Variants in SERPINB13 observed in about 807,000 individuals in gnomAD.
SERPINB13 encodes the protein serpin family B member 13.
SERPINB13 carries 26 observed loss-of-function variants against 31.2 expected under a neutral mutation model. The observed-to-expected ratio is 0.83, with a 90% CI of 0.61 to 1.15. SERPINB13 has a LOEUF of 1.15. Ranked by LOEUF, SERPINB13 falls within the 50% of genes most tolerant of loss-of-function variation. SERPINB13 has a pLI of 0.00. For synonymous variants in SERPINB13, 191 were observed against 172.4 expected (o/e 1.11, Z -0.85); for missense variants, 510 against 469.4 (o/e 1.09, Z -0.80).
At chr18:63,594,663 A>G (rs1376926042) in intron 6 of SERPINB13, among the ~76,000 whole-genome samples, 166 bp downstream of exon 6, 1 of 152,030 alleles carries the variant, frequency 6.6e-6, no homozygotes, top group Non-Finnish European at 1.5e-5. Flanking sequence ...ACATGGTGAA[A>G]CCCCGTATCT....
At chr18:63,596,600 T>C (rs1912181352) in intron 7 of SERPINB13, among the ~76,000 whole-genome samples, 1 of 152,228 alleles carries the variant, frequency 6.6e-6, no homozygotes, top group South Asian at 2.1e-4. Context: ...AAAAGTTTAC[T>C]TTTTATCAAA....
intron 1 of SERPINB13, among the ~76,000 whole-genome samples, chr18:63,587,749 T>C (rs1170834032): frequency 6.6e-6 from 1 of 152,274 alleles, no homozygotes; most frequent in Non-Finnish European, 1.5e-5. Context: ...CCAAAGTATG[T>C]GGGCTTTAAA....
chr18:63,594,774 G>C (rs3786332), intron 6 of SERPINB13, among the ~76,000 whole-genome samples: 17,871 of 152,092 alleles, frequency 0.12, 1,407 homozygotes, highest in East Asian at 0.43. Context: ...GGGAGGCAGA[G>C]GTTGCAGTGA....
chr18:63,592,548 G>T (rs764903912), intron 4 of SERPINB13, 72 bp downstream of exon 4: 52 of 1,472,984 alleles, frequency 3.5e-5, no homozygotes, highest in Non-Finnish European at 4.7e-5. Flanking sequence ...TAGGACTATG[G>T]GTCCTGAAGT....
chr18:63,594,002 G>A (rs756824435), intron 5 of SERPINB13: 10 of 507,174 alleles, frequency 2.0e-5, no homozygotes, highest in Admixed American at 1.9e-4. Flanking sequence ...ACCCTATGAG[G>A]CAGATTTTAT....
At chr18:63,595,907 TAAATAAA>T in intron 7 of SERPINB13, among the ~76,000 whole-genome samples, 1 of 8,184 alleles carries the variant, frequency 1.2e-4, no homozygotes, top group Non-Finnish European at 2.2e-4. Context: ...CAAAATTAAA[TAAATAAA>T]TAAATAAATA....
At position 63,597,662 on chromosome 18, in the gene SERPINB13, G is replaced by A. The variant is rs1274721664; in HGVS notation, c.*299G>A. The A allele has an allele frequency of 3.4e-6, 1 of 291,018 alleles. No homozygotes were observed. Among genetic ancestry groups the A allele is most frequent in the Non-Finnish European group, 6.5e-6 (1 of 154,770 alleles). 18.0% of individuals were successfully genotyped at this position (291,018 alleles called of 1,614,324 possible). On this transcript the variant is annotated 3_prime_UTR_variant, in exon 8 of 8. Coordinates refer to ENST00000344731, the MANE Select transcript of SERPINB13 (RefSeq NM_012397.4). ...TTGTAGTTTTGTGCACACGAAAGGA[G>A]AGAAAGTCTCTCCAGTAAAGAGTAC...
chr18:63,592,773 A>C (rs1039104979), intron 4 of SERPINB13, 81 bp from the exon 5 acceptor site: 2 of 916,030 alleles, frequency 2.2e-6, no homozygotes, highest in Admixed American at 2.2e-5. Context: ...CCTAATGTAT[A>C]CATAAATTTA....
intron 5 of SERPINB13, among the ~76,000 whole-genome samples, chr18:63,593,707 TG>T (rs1911988725): frequency 2.1e-5 from 1 of 47,504 alleles, no homozygotes; most frequent in African/African-American, 1.4e-4. Flanking sequence ...ATTCAGAATG[TG>T]TTTTTTTTTT....
At chr18:63,589,899 A>G in intron 3 of SERPINB13, 184 bp downstream of exon 3, 1 of 1,214,672 alleles carries the variant, frequency 8.2e-7, no homozygotes, top group Non-Finnish European at 1.1e-6. Context: ...ATTATACAAT[A>G]ATAATAACCC....
rs1042542958 is a variant in SERPINB13, at chr18:63,597,940, C to A, written c.*577C>A. ...TTTTCATCTTCCATTCTAACATTAT[C>A]CATTGTTAGATGCATAAGCATTTTG... On this transcript the variant is annotated 3_prime_UTR_variant, in exon 8 of 8. Transcript: ENST00000344731. The A allele has an allele frequency of 6.6e-6, 1 of 152,574 alleles. No individual in the cohort carries two copies. Among genetic ancestry groups the A allele is most frequent in the Non-Finnish European group, 1.5e-5 (1 of 68,346 alleles). 9.5% of individuals were successfully genotyped at this position (152,574 alleles called of 1,614,324 possible). A position where few individuals can be genotyped will look rare whatever the true frequency, so the allele number is the denominator to read the frequency against.
At position 63,595,902 on chromosome 18, in the gene SERPINB13, TTAAATAAATAAATAAATAAATAAA is replaced by T. The variant is rs57781505; in HGVS notation, c.771+744_771+767del. The stretch of plus-strand genomic sequence containing the variant: ...GACAGAACGAGACTCTGTCTCAAAA[TTAAATAAATAAATAAATAAATAAA>T]TAAATAAATAAATAAATAAATAAAT... On this transcript the variant is annotated intron_variant, in intron 7 of 7. Transcript: ENST00000344731. Among the ~76,000 whole-genome samples the T allele has an allele frequency of 4.9e-3, 706 of 143,012 alleles. 1 individual carries two copies. The highest frequency in any genetic ancestry group is 0.012 in the African/African-American group (462 of 38,492). The allele number at this position is 143,012 out of a possible 152,430, so 93.8% of individuals were successfully genotyped here. A position where few individuals can be genotyped will look rare whatever the true frequency, so the allele number is the denominator to read the frequency against.
rs778230809 is a variant in SERPINB13 at position 63,597,129 on chromosome 18, C to T, written c.942C>T (p.Ala314=). The change falls in exon 8 of 8, where the codon GCC becomes GCT. Residue 314 remains alanine, a synonymous_variant. Transcript: ENST00000344731. ...GMGDAFSEHK[A]DYSGMSSGSG... ...GCGATGCCTTCAGTGAGCACAAAGCCGACTACTCGGGAATGTCGTCAGGCT... is the reference window on the plus strand; with the variant it reads ...GCGATGCCTTCAGTGAGCACAAAGCTGACTACTCGGGAATGTCGTCAGGCT... The T allele has an allele frequency of 3.7e-6, 6 of 1,614,150 alleles. No individual in the cohort carries two copies. Among genetic ancestry groups the T allele is most frequent in the East Asian group, 4.5e-5 (2 of 44,890 alleles).
intron 2 of SERPINB13, 97 bp from the exon 3 acceptor site, chr18:63,589,559 C>T (rs1223782101): frequency 1.8e-5 from 27 of 1,459,674 alleles, no homozygotes; most frequent in African/African-American, 7.2e-5. Context: ...CATATACCAC[C>T]GAGGTTTCTT....
chr18:63,592,504 T>C (rs373571961), intron 4 of SERPINB13, 28 bp downstream of exon 4: 53 of 1,608,140 alleles, frequency 3.3e-5, no homozygotes, highest in African/African-American at 1.1e-4. Context: ...ACCATATCTG[T>C]GAGTGGTATT....
intron 1 of SERPINB13, 105 bp from the exon 2 acceptor site, chr18:63,588,546 C>T: frequency 8.5e-7 from 1 of 1,179,012 alleles, no homozygotes; most frequent in Non-Finnish European, 1.2e-6. Context: ...GGTGGAAATC[C>T]CTGTATTCCG....
chr18:63,597,504 A>G lies in SERPINB13; in HGVS notation c.*141A>G. 1.2e-6 allele frequency: 1 copy of G among 861,438 alleles called. No individual in the cohort carries two copies. The highest frequency in any genetic ancestry group is 1.8e-6 in the Non-Finnish European group (1 of 563,172). 53.4% of individuals were successfully genotyped at this position (861,438 alleles called of 1,614,324 possible). On this transcript the variant is annotated 3_prime_UTR_variant, in exon 8 of 8. Coordinates refer to ENST00000344731, the MANE Select transcript of SERPINB13 (RefSeq NM_012397.4). ...TGGCCATCAAATCAATGATTTAATG[A>G]CTCCAATAATGTGTGTGTTTATAAC...
At chr18:63,592,765 T>G (rs1911929351) in intron 4 of SERPINB13, 89 bp from the exon 5 acceptor site, 1 of 878,582 alleles carries the variant, frequency 1.1e-6, no homozygotes, top group Non-Finnish European at 1.8e-6. Flanking sequence ...TTAGTCATCC[T>G]AATGTATACA....
Position 63,597,955 on chromosome 18 carries a change from T to C in SERPINB13, c.*592T>C, listed in dbSNP as rs1303481327. On this transcript the variant is annotated 3_prime_UTR_variant, in exon 8 of 8. Transcript: ENST00000344731. ...CTAACATTATCCATTGTTAGATGCA[T>C]AAGCATTTTGATATTGTGTAATAAA... 1 of 152,432 alleles carries C rather than the reference T, an allele frequency of 6.6e-6. No homozygotes were observed. Among genetic ancestry groups the C allele is most frequent in the African/African-American group, 2.4e-5 (1 of 41,468 alleles). 9.4% of individuals were successfully genotyped at this position (152,432 alleles called of 1,614,324 possible). A position where few individuals can be genotyped will look rare whatever the true frequency, so the allele number is the denominator to read the frequency against.
Sources: allele counts gnomAD v4.1 joint callset (sites outside exome capture counted in the v4.1 genomes callset), GRCh38; gene constraint gnomAD v4.1.1; transcripts MANE v1.5; gene names NCBI Gene and HGNC (gene_info 2026-07-23, HGNC 2026-07-21).